The following NTF3 variants were observed in gnomAD, a reference collection of about 807,000 sequenced individuals.
The protein encoded by NTF3 is neurotrophin 3.
NTF3 carries 8 observed loss-of-function variants against 26.3 expected under a neutral mutation model. The ratio of observed to expected loss-of-function variants is 0.30; its 90% CI spans 0.18 to 0.55. NTF3 has a LOEUF of 0.55. Ranked by LOEUF, NTF3 falls within the 20% of genes least tolerant of loss-of-function variation. NTF3 has a pLI of 0.93. For missense variants in NTF3, 276 were observed against 352.9 expected, an observed-to-expected ratio of 0.78 and a Z score of 1.75; for synonymous variants, 154 against 145.5, an observed-to-expected ratio of 1.06 and a Z score of -0.42.
At chr12:5,448,665 A>G (rs1423374856) in intron 1 of NTF3, among the ~76,000 whole-genome samples, 1 of 152,218 alleles carries the variant, frequency 6.6e-6, no homozygotes, top group Non-Finnish European at 1.5e-5. Context: ...AGTGAGAGAA[A>G]GAAAGATATG....
chr12:5,478,539 G>A (rs753747183), intron 1 of NTF3, among the ~76,000 whole-genome samples: 39 of 152,220 alleles, frequency 2.6e-4, no homozygotes, highest in Admixed American at 4.6e-4. Context: ...TGGCTCATAC[G>A]GGCCTGCGGC....
rs867518506 is a variant in NTF3, at chr12:5,432,338, C to T, written c.14C>T (p.Ala5Val). 2.5e-6 allele frequency: 4 copies of T among 1,613,096 alleles called. No individual in the cohort carries two copies. Among genetic ancestry groups the T allele is most frequent in the Non-Finnish European group, 3.4e-6 (4 of 1,179,734 alleles). The change falls in exon 1 of 2, where the codon GCC becomes GTC. Residue 5 changes from alanine (A) to valine (V), a missense_variant. By Grantham distance (64) the Ala-to-Val change is moderately conservative. Coordinates refer to ENST00000423158, the MANE Select transcript of NTF3 (RefSeq NM_001102654.2). Reference sequence around the variant, plus strand: ...CACACGGATGCCATGGTTACTTTTGCCACGGTAAGGGGAGGCGGCGGGCAC... The same window carrying T: ...CACACGGATGCCATGGTTACTTTTGTCACGGTAAGGGGAGGCGGCGGGCAC... The part of the protein sequence containing the change: MVTF[A>V]TILQVNKVMS...
intron 1 of NTF3, among the ~76,000 whole-genome samples, chr12:5,448,221 C>T (rs149895242): frequency 1.2e-3 from 188 of 152,326 alleles, no homozygotes; most frequent in African/African-American, 4.2e-3. Flanking sequence ...ACCCTTGAAA[C>T]ATCCATAGTC....
At chr12:5,472,473 A>G (rs1272176801) in intron 1 of NTF3, among the ~76,000 whole-genome samples, 1 of 152,212 alleles carries the variant, frequency 6.6e-6, no homozygotes, top group Non-Finnish European at 1.5e-5. Context: ...AATACAACGA[A>G]CAGTATAAAT....
chr12:5,454,038 T>C (rs1262569795), intron 1 of NTF3, among the ~76,000 whole-genome samples: 1 of 151,956 alleles, frequency 6.6e-6, no homozygotes, highest in Non-Finnish European at 1.5e-5. Flanking sequence ...AGTGTATGAG[T>C]CTCCTGGGGC....
At chr12:5,489,701 G>A (rs762931342) in intron 1 of NTF3, among the ~76,000 whole-genome samples, 5 of 151,886 alleles carry the variant, frequency 3.3e-5, no homozygotes, top group Non-Finnish European at 7.4e-5. Context: ...GTGTAGGGAA[G>A]CTGGTCCTGG....
chr12:5,430,864 G>A (rs942234609), upstream of NTF3, among the ~76,000 whole-genome samples: 2 of 151,986 alleles, frequency 1.3e-5, no homozygotes, highest in African/African-American at 4.8e-5. Flanking sequence ...CGGCTGAAGT[G>A]GCAGGGAGGA....
At chr12:5,458,864 T>TAC (rs140601450) in intron 1 of NTF3, among the ~76,000 whole-genome samples, 125 of 150,182 alleles carry the variant, frequency 8.3e-4, no homozygotes, top group Middle Eastern at 6.9e-3. Context: ...CAAGCACACA[T>TAC]ACACACACAC....
chr12:5,439,457 T>C (rs1384178108), intron 1 of NTF3, among the ~76,000 whole-genome samples: 1 of 152,226 alleles, frequency 6.6e-6, no homozygotes, highest in African/African-American at 2.4e-5. Flanking sequence ...TCCATCTTCT[T>C]CTGCAAAGTT....
intron 1 of NTF3, among the ~76,000 whole-genome samples, chr12:5,460,773 T>C (rs1940514999): frequency 6.6e-6 from 1 of 152,248 alleles, no homozygotes; most frequent in Non-Finnish European, 1.5e-5. Flanking sequence ...CCAGCAGCTC[T>C]GTAAGACTGC....
chr12:5,461,647 A>C (rs1420978957), intron 1 of NTF3, among the ~76,000 whole-genome samples: 1 of 151,950 alleles, frequency 6.6e-6, no homozygotes, highest in Non-Finnish European at 1.5e-5. Context: ...TTCATTCTTC[A>C]TGCTCCATCA....
At chr12:5,474,042 A>T (rs1200050105) in intron 1 of NTF3, among the ~76,000 whole-genome samples, 1 of 152,206 alleles carries the variant, frequency 6.6e-6, no homozygotes, top group Non-Finnish European at 1.5e-5. Context: ...AGGCCTTCAG[A>T]GAAGAGAGAG....
chr12:5,447,762 G>T (rs934363443), intron 1 of NTF3, among the ~76,000 whole-genome samples: 3 of 152,166 alleles, frequency 2.0e-5, no homozygotes, highest in African/African-American at 4.8e-5. Flanking sequence ...AGTCAGGCTG[G>T]GATAATGTTC....
chr12:5,475,314 C>G (rs1591602806), intron 1 of NTF3, among the ~76,000 whole-genome samples: 1 of 151,868 alleles, frequency 6.6e-6, no homozygotes, highest in African/African-American at 2.4e-5. Context: ...GCACACCTGC[C>G]TGACTTTGAA....
At chr12:5,448,783 T>A (rs766393296) in intron 1 of NTF3, among the ~76,000 whole-genome samples, 6 of 152,212 alleles carry the variant, frequency 3.9e-5, no homozygotes, top group Non-Finnish European at 7.3e-5. Flanking sequence ...GAGAGAACTA[T>A]GTGTGCTATT....
chr12:5,489,193 G>T (rs760634009), intron 1 of NTF3, among the ~76,000 whole-genome samples: 4 of 152,310 alleles, frequency 2.6e-5, no homozygotes, highest in Non-Finnish European at 5.9e-5. Flanking sequence ...TTACTTTTGT[G>T]GGGGATGCTT....
intron 1 of NTF3, among the ~76,000 whole-genome samples, chr12:5,477,549 G>A (rs1940739579): frequency 6.6e-6 from 1 of 152,196 alleles, no homozygotes; most frequent in African/African-American, 2.4e-5. Context: ...GGTAAGTTGT[G>A]AACTACAGGA....
chr12:5,484,571 C>G (rs1358587228), intron 1 of NTF3, among the ~76,000 whole-genome samples: 1 of 152,122 alleles, frequency 6.6e-6, no homozygotes, highest in East Asian at 1.9e-4. Flanking sequence ...GATTCCTTAG[C>G]ATTGATTACA....
intron 1 of NTF3, among the ~76,000 whole-genome samples, chr12:5,457,455 C>T (rs1227371987): frequency 1.3e-5 from 2 of 152,158 alleles, no homozygotes; most frequent in Non-Finnish European, 2.9e-5. Flanking sequence ...ACCCTCTTTC[C>T]TTGGTAGGAT....
Sources: allele counts gnomAD v4.1 joint callset (sites outside exome capture counted in the v4.1 genomes callset), GRCh38; gene constraint gnomAD v4.1.1; transcripts MANE v1.5; gene names NCBI Gene and HGNC (gene_info 2026-07-23, HGNC 2026-07-21).